The following PCDH7 variants were observed in gnomAD, a reference collection of about 807,000 sequenced individuals.
The protein encoded by PCDH7 is protocadherin-7.
Under a neutral mutation model 58.9 loss-of-function variants are expected in PCDH7, and 17 were observed. The observed-to-expected ratio is 0.29, with a 90% CI of 0.20 to 0.43. The LOEUF is 0.43. Ranked by LOEUF, PCDH7 falls within the 20% of genes least tolerant of loss-of-function variation. PCDH7 has a pLI of 1.00. For missense variants in PCDH7, 1,274 were observed against 1,441.0 expected (o/e 0.88, Z 1.88); for synonymous variants, 664 against 616.4 (o/e 1.08, Z -1.14).
At chr4:30,921,699 G>A (rs1162953556) in intron 2 of PCDH7, among the ~76,000 whole-genome samples, 2 of 151,972 alleles carry the variant, frequency 1.3e-5, no homozygotes, top group Non-Finnish European at 2.9e-5. Flanking sequence ...TGCTTATGTG[G>A]ATGGGAGTCT....
chr4:31,082,970 T>A (rs1267699037), intron 3 of PCDH7, among the ~76,000 whole-genome samples: 1 of 152,002 alleles, frequency 6.6e-6, no homozygotes, highest in Non-Finnish European at 1.5e-5. Flanking sequence ...TAGCTGGGTG[T>A]GGTGGTGGGC....
intron 1 of PCDH7, among the ~76,000 whole-genome samples, chr4:30,844,358 T>C (rs1731635642): frequency 6.6e-6 from 1 of 152,190 alleles, no homozygotes; most frequent in Non-Finnish European, 1.5e-5. Flanking sequence ...TAATCAGCAA[T>C]TTAAATTTTT....
At chr4:30,961,228 A>G (rs1748389309) in intron 3 of PCDH7, among the ~76,000 whole-genome samples, 1 of 152,040 alleles carries the variant, frequency 6.6e-6, no homozygotes, top group African/African-American at 2.4e-5. Flanking sequence ...ATTTATTTAA[A>G]GTAGCTTATA....
chr4:31,077,296 C>G (rs528089420), intron 3 of PCDH7, among the ~76,000 whole-genome samples: 5 of 151,586 alleles, frequency 3.3e-5, no homozygotes, highest in Admixed American at 2.0e-4. Context: ...GTAATCCCAA[C>G]TACTCAGGAG....
At chr4:30,882,844 T>G (rs1737166784) in intron 1 of PCDH7, among the ~76,000 whole-genome samples, 1 of 152,222 alleles carries the variant, frequency 6.6e-6, no homozygotes, top group Non-Finnish European at 1.5e-5. Flanking sequence ...TCCCAATATC[T>G]TCATATATCC....
rs1755542845 is a variant in PCDH7 at position 31,037,807 on chromosome 4, T to C, written c.*7+87592T>C. On this transcript the variant is annotated intron_variant, in intron 3 of 3. Transcript: ENST00000509759. Reference sequence around the variant, plus strand: ...AGGCCAGCATTTGTGGTGTGGACTTTGCTTTAAATGCTGGAAACCTAGAGG... The same window carrying C: ...AGGCCAGCATTTGTGGTGTGGACTTCGCTTTAAATGCTGGAAACCTAGAGG... 2.0e-5 allele frequency among the ~76,000 whole-genome samples: 3 copies of C among 152,338 alleles called. No homozygotes were observed. The South Asian group carries it at 6.2e-4, about 32-fold the overall frequency.
chr4:31,050,959 C>T (rs749630030), intron 3 of PCDH7, among the ~76,000 whole-genome samples: 7 of 152,094 alleles, frequency 4.6e-5, no homozygotes, highest in African/African-American at 1.7e-4. Context: ...CTGCTATGCT[C>T]GTGTGTTTCA....
intron 1 of PCDH7, among the ~76,000 whole-genome samples, chr4:30,845,656 G>C (rs1731837266): frequency 6.6e-6 from 1 of 152,152 alleles, no homozygotes; most frequent in Non-Finnish European, 1.5e-5. Flanking sequence ...GGAGTATGCA[G>C]TGGTGCAGTC....
intron 3 of PCDH7, among the ~76,000 whole-genome samples, chr4:31,119,567 G>A (rs952401431): frequency 6.6e-6 from 1 of 152,064 alleles, no homozygotes; most frequent in African/African-American, 2.4e-5. Flanking sequence ...GAGCAGGAAC[G>A]AAAGGAAGAA....
chr4:30,872,907 A>G (rs761049478), intron 1 of PCDH7, among the ~76,000 whole-genome samples: 4 of 152,128 alleles, frequency 2.6e-5, no homozygotes, highest in Non-Finnish European at 4.4e-5. Context: ...ACATGTCAAG[A>G]ATCAGACCAG....
chr4:31,018,334 T>C (rs1417612099), intron 3 of PCDH7, among the ~76,000 whole-genome samples: 1 of 152,182 alleles, frequency 6.6e-6, no homozygotes, highest in Non-Finnish European at 1.5e-5. Context: ...TGTTTGAACC[T>C]AGTCAAATTT....
chr4:30,956,274 T>C (rs553342542), intron 3 of PCDH7, among the ~76,000 whole-genome samples: 1 of 152,162 alleles, frequency 6.6e-6, no homozygotes, highest in Admixed American at 6.5e-5. Context: ...TGTTGTTCTA[T>C]AATAACTATC....
chr4:30,998,576 G>A (rs1188801161), intron 3 of PCDH7, among the ~76,000 whole-genome samples: 2 of 152,122 alleles, frequency 1.3e-5, no homozygotes, highest in African/African-American at 4.8e-5. Flanking sequence ...TTTTTATGGG[G>A]CGTATCCCAG....
downstream of PCDH7, chr4:31,146,611 C>A (rs1458882789): frequency 6.6e-6 from 1 of 152,062 alleles, no homozygotes; most frequent in East Asian, 1.9e-4. Context: ...AAGCAGAGAA[C>A]AATTTATCAT....
intron 1 of PCDH7, among the ~76,000 whole-genome samples, chr4:30,819,968 T>A (rs1728175231): frequency 6.6e-6 from 1 of 152,132 alleles, no homozygotes; most frequent in Non-Finnish European, 1.5e-5. Context: ...TCTAAATATG[T>A]TAATAGAGTC....
chr4:30,738,456 G>A (rs1296776985), intron 1 of PCDH7, among the ~76,000 whole-genome samples: 4 of 150,664 alleles, frequency 2.7e-5, no homozygotes, highest in Non-Finnish European at 4.4e-5. Context: ...TCTATACTAC[G>A]TTTGCATGGG....
chr4:30,948,511 T>G (rs182653440), intron 2 of PCDH7, among the ~76,000 whole-genome samples: 24 of 152,264 alleles, frequency 1.6e-4, no homozygotes, highest in Admixed American at 1.5e-3. Flanking sequence ...GCAGAGGTTT[T>G]AACTTTGAAG....
chr4:31,076,353 G>A (rs572209084), intron 3 of PCDH7, among the ~76,000 whole-genome samples: 26 of 151,944 alleles, frequency 1.7e-4, no homozygotes, highest in Non-Finnish European at 3.2e-4. Context: ...TTCCTTTTGT[G>A]GCCTGTCAGT....
At chr4:30,802,008 A>G (rs1386694765) in intron 1 of PCDH7, among the ~76,000 whole-genome samples, 1 of 152,194 alleles carries the variant, frequency 6.6e-6, no homozygotes, top group Non-Finnish European at 1.5e-5. Context: ...CCGTGGGTGA[A>G]AAGTAATTTG....
Sources: gnomAD v4.1 joint callset for allele counts (sites outside exome capture counted in the v4.1 genomes callset) on GRCh38, gnomAD v4.1.1 for gene constraint, MANE v1.5 for transcripts, NCBI Gene and HGNC (gene_info 2026-07-23, HGNC 2026-07-21) for gene names.